The following RARB variants were observed in gnomAD, a reference collection of about 807,000 sequenced individuals.
RARB encodes HBV-activated protein.
RARB carries 17 observed loss-of-function variants against 51.9 expected under a neutral mutation model. That is an observed-to-expected ratio of 0.33 (90% CI 0.22 to 0.49). The LOEUF (loss-of-function observed/expected upper bound fraction) is 0.49, where lower values mean the gene tolerates loss of function less well. RARB is among the 20% of genes least tolerant of loss of function. RARB has a pLI of 0.99. For missense variants in RARB, 369 were observed against 550.8 expected (o/e 0.67, Z 3.30); for synonymous variants, 215 against 195.4 (o/e 1.10, Z -0.84).
At chr3:25,462,706 A>C (rs2125557293) in intron 2 of RARB, among the ~76,000 whole-genome samples, 1 of 152,324 alleles carries the variant, frequency 6.6e-6, no homozygotes, top group South Asian at 2.1e-4. Flanking sequence ...GGACTTGGCT[A>C]GGCTCCACCA....
chr3:25,202,771 C>T lies in RARB; in HGVS notation c.178+28196C>T, dbSNP rs186506106. On this transcript the variant is annotated intron_variant, in intron 5 of 11. Coordinates refer to the RARB transcript ENST00000383772. The stretch of plus-strand genomic sequence containing the variant: ...TGAGTGAGTTTCTTAATCCTGAGTT[C>T]TAGTTTGATTGCACTGTGGTCTGAG... 4.0e-3 allele frequency among the ~76,000 whole-genome samples: 604 copies of T among 152,256 alleles called. 10 individuals carry two copies. The highest frequency in any genetic ancestry group is 0.03 in the East Asian group (154 of 5,180).
chr3:25,546,625 T>TG (rs150011138), intron 3 of RARB, among the ~76,000 whole-genome samples: 2 of 151,236 alleles, frequency 1.3e-5, no homozygotes, highest in Non-Finnish European at 3.0e-5. Context: ...TTCTTTTGAA[T>TG]GGAAAAAAAA....
At chr3:25,051,777 C>T (rs1264923548) in intron 2 of RARB, among the ~76,000 whole-genome samples, 1 of 152,046 alleles carries the variant, frequency 6.6e-6, no homozygotes, top group Non-Finnish European at 1.5e-5. Context: ...GAGGAGAGAA[C>T]ATGGCCAAGC....
At chr3:25,456,722 A>T (rs1487674771) in intron 1 of RARB, among the ~76,000 whole-genome samples, 1 of 134,170 alleles carries the variant, frequency 7.5e-6, no homozygotes, top group Admixed American at 7.5e-5. Flanking sequence ...GAGAGAGTCA[A>T]ATACTTAATT....
Position 25,550,809 on chromosome 3 carries a change from A to G in RARB, c.449-18949A>G, listed in dbSNP as rs888047110. ...CTGTGTCCATGTGTTCTCATTGTTC[A>G]GCTCCCACTTATAAGTGAGGACATG... is the stretch of plus-strand genomic sequence containing the variant. On this transcript the variant is annotated intron_variant, in intron 3 of 7. Transcript: ENST00000330688. Among the ~76,000 whole-genome samples, 8 of 152,216 alleles carry G rather than the reference A, an allele frequency of 5.3e-5. No homozygotes were observed. The South Asian group carries it at 1.5e-3, about 28-fold the overall frequency.
chr3:25,443,539 G>A (rs769890283), intron 1 of RARB, among the ~76,000 whole-genome samples: 50 of 151,846 alleles, frequency 3.3e-4, no homozygotes, highest in Non-Finnish European at 6.6e-4. Context: ...TTAAAACCCG[G>A]GAGGCGGAGG....
intron 4 of RARB, among the ~76,000 whole-genome samples, chr3:25,137,809 T>A (rs995744061): frequency 8.6e-5 from 13 of 152,036 alleles, no homozygotes; most frequent in African/African-American, 2.9e-4. Context: ...CCCTTCTAAT[T>A]CCCAATCACC....
chr3:25,382,188 C>T (rs1706648614), intron 5 of RARB, among the ~76,000 whole-genome samples: 1 of 152,074 alleles, frequency 6.6e-6, no homozygotes, highest in Non-Finnish European at 1.5e-5. Context: ...GTTCTTTATT[C>T]TCATGGAATA....
intron 2 of RARB, among the ~76,000 whole-genome samples, chr3:24,888,241 T>C (rs929710708): frequency 6.6e-6 from 1 of 152,160 alleles, no homozygotes; most frequent in African/African-American, 2.4e-5. Context: ...CAAATAATGA[T>C]AATAGCAAAC....
intron 4 of RARB, among the ~76,000 whole-genome samples, chr3:25,164,334 A>C (rs1700526706): frequency 6.6e-6 from 1 of 152,216 alleles, no homozygotes; most frequent in African/African-American, 2.4e-5. Context: ...GAAGGTCCTA[A>C]GGTGTCCTTA....
rs546949826 is a variant in RARB, at chr3:25,050,583, C to T, written c.-379-9542C>T. On this transcript the variant is annotated intron_variant, in intron 2 of 11. Coordinates refer to the RARB transcript ENST00000383772. ...CCCTTTTCCACCACTGATTCCTTCT[C>T]TCCTGAGGCAATCATTTTCAGCTTT... 2.0e-5 allele frequency among the ~76,000 whole-genome samples: 3 copies of T among 152,302 alleles called. No homozygotes were observed. In the East Asian group the frequency reaches 5.8e-4, roughly 29 times the overall value.
chr3:25,211,810 A>G (rs1287115426), intron 5 of RARB, among the ~76,000 whole-genome samples: 2 of 152,246 alleles, frequency 1.3e-5, no homozygotes, highest in Non-Finnish European at 2.9e-5. Context: ...AAAATAGGTG[A>G]TGGGCCAGAT....
At chr3:24,863,721 T>C (rs9828839) in intron 2 of RARB, among the ~76,000 whole-genome samples, 7,406 of 152,072 alleles carry the variant, frequency 0.049, 525 homozygotes, top group African/African-American at 0.16. Context: ...TTTTTTTTTT[T>C]TAAAGGAATG....
At chr3:25,273,081 G>A (rs1275555678) in intron 5 of RARB, among the ~76,000 whole-genome samples, 2 of 152,040 alleles carry the variant, frequency 1.3e-5, no homozygotes, top group Non-Finnish European at 2.9e-5. Context: ...ATAGCCCTGA[G>A]CCTACACAAA....
intron 3 of RARB, among the ~76,000 whole-genome samples, chr3:25,539,532 CTT>C (rs56693487): frequency 5.9e-5 from 6 of 102,388 alleles, no homozygotes; most frequent in East Asian, 2.8e-4. Flanking sequence ...CTCTCTCTCT[CTT>C]TTTTTTTTTT....
At chr3:25,027,217 A>T (rs1697767685) in intron 2 of RARB, among the ~76,000 whole-genome samples, 1 of 88,180 alleles carries the variant, frequency 1.1e-5, no homozygotes, top group African/African-American at 3.9e-5. Flanking sequence ...AACAGGAAGA[A>T]TCCAAAATTA....
chr3:24,840,698 T>G (rs998835881), intron 1 of RARB, among the ~76,000 whole-genome samples: 1 of 149,816 alleles, frequency 6.7e-6, no homozygotes, highest in Non-Finnish European at 1.5e-5. Flanking sequence ...GTATTTGCTG[T>G]TGCCCCTACA....
At chr3:24,897,338 A>G (rs1703497934) in intron 2 of RARB, among the ~76,000 whole-genome samples, 1 of 151,208 alleles carries the variant, frequency 6.6e-6, no homozygotes, top group Non-Finnish European at 1.5e-5. Flanking sequence ...TAGGGCTATT[A>G]ATTTTGGACA....
chr3:25,212,663 A>C (rs913402035), intron 5 of RARB, among the ~76,000 whole-genome samples: 6 of 152,214 alleles, frequency 3.9e-5, no homozygotes, highest in African/African-American at 1.4e-4. Flanking sequence ...ACAATGTGCT[A>C]TCCAGACCAT....
Sources: allele counts gnomAD v4.1 joint callset (sites outside exome capture counted in the v4.1 genomes callset), GRCh38; gene constraint gnomAD v4.1.1; transcripts MANE v1.5; gene names NCBI Gene and HGNC (gene_info 2026-07-23, HGNC 2026-07-21).